Variants in SNX5 observed in about 807,000 individuals in gnomAD.
The protein encoded by SNX5 is sorting nexin-5.
A neutral mutation model predicts 53.9 loss-of-function variants in SNX5; 31 were observed. That is an observed-to-expected ratio of 0.58 (90% CI 0.43 to 0.78). The LOEUF (loss-of-function observed/expected upper bound fraction) is 0.78. SNX5 is among the 30% of genes least tolerant of loss of function. The probability of loss-of-function intolerance (pLI) is 0.00; values close to 1 mark genes in which losing one functional copy is unlikely to be tolerated. For synonymous variants in SNX5, 168 were observed against 171.1 expected (o/e 0.98, Z 0.14); for missense variants, 471 against 478.8 (o/e 0.98, Z 0.15).
rs2035373915 is a variant in SNX5 at position 17,957,042 on chromosome 20, A to G, written c.52-5T>C. 2 of 1,550,102 alleles carry G rather than the reference A, an allele frequency of 1.3e-6. No homozygotes were observed. The highest frequency in any genetic ancestry group is 1.7e-5 in the Admixed American group (1 of 59,904). ...GTCCACAGATACAGATCTCAGCTGA[A>G]ATACATTTTTTGCGTATTAGTTTCA... On this transcript the variant is annotated splice_polypyrimidine_tract_variant and splice_region_variant and intron_variant, in intron 1 of 12. Transcript: ENST00000377759.
In SNX5 at chr20:17,958,024, AGAG is replaced by A. The variant is rs1414005092; in HGVS notation, c.52-990_52-988del. On this transcript the variant is annotated intron_variant, in intron 1 of 12. Transcript: ENST00000377759. ...CGTCAAAAAAAAAAAAAAAAAAAAG[AGAG>A]GAGAGAACAGTGGCAGCACTAATAG... Among the ~76,000 whole-genome samples the A allele has an allele frequency of 5.4e-4, 76 of 139,982 alleles. 1 individual carries two copies. The highest frequency in any genetic ancestry group is 2.2e-3 in the African/African-American group (74 of 33,150). 91.8% of individuals were successfully genotyped at this position (139,982 alleles called of 152,430 possible).
intron 2 of SNX5, among the ~76,000 whole-genome samples, chr20:17,956,193 C>G (rs979614980): frequency 1.6e-4 from 25 of 151,746 alleles, no homozygotes; most frequent in African/African-American, 4.6e-4. Flanking sequence ...TAAAAATTGT[C>G]CCTGGCTTCC....
intron 11 of SNX5, among the ~76,000 whole-genome samples, chr20:17,946,370 T>G (rs1438390368): frequency 1.3e-5 from 2 of 152,106 alleles, no homozygotes; most frequent in Non-Finnish European, 2.9e-5. Flanking sequence ...AAATGGCCAG[T>G]TTCAAGGCTG....
chr20:17,956,614 G>A (rs1568593972), intron 2 of SNX5, among the ~76,000 whole-genome samples: 1 of 146,662 alleles, frequency 6.8e-6, no homozygotes, highest in Non-Finnish European at 1.5e-5. Flanking sequence ...GGCAGGGGCT[G>A]CAGTGAGCCA....
intron 1 of SNX5, among the ~76,000 whole-genome samples, chr20:17,965,541 G>C (rs973110914): frequency 1.3e-5 from 2 of 152,116 alleles, no homozygotes; most frequent in Middle Eastern, 3.4e-3. Flanking sequence ...ATGCTGGTGT[G>C]TGCCTGTAGC....
At chr20:17,952,551 G>A (rs1325596091) in intron 5 of SNX5, 36 bp downstream of exon 5, 3 of 1,595,298 alleles carry the variant, frequency 1.9e-6, no homozygotes, top group Non-Finnish European at 2.6e-6. Flanking sequence ...ATAAACATTT[G>A]AAGTGGATTA....
At chr20:17,963,967 C>T (rs903683676) in intron 1 of SNX5, among the ~76,000 whole-genome samples, 2 of 152,146 alleles carry the variant, frequency 1.3e-5, no homozygotes, top group South Asian at 2.1e-4. Context: ...TATTCCAATA[C>T]TCAGACCAGG....
At chr20:17,951,338 A>T in intron 6 of SNX5, 162 bp downstream of exon 6, 1 of 602,836 alleles carries the variant, frequency 1.7e-6, no homozygotes, top group Non-Finnish European at 3.0e-6. Context: ...CTGGGAAATA[A>T]GTGAAAATTG....
chr20:17,956,704 A>AAAAAAAAAAAAAAC (rs1568594187), intron 2 of SNX5, among the ~76,000 whole-genome samples: 1 of 112,868 alleles, frequency 8.9e-6, no homozygotes, highest in Admixed American at 9.1e-5. Context: ...AAAAAAAAAA[A>AAAAAAAAAAAAAAC]CAAAAAAACA....
intron 11 of SNX5, chr20:17,943,403 ACAT>A (rs1486274928): frequency 3.8e-6 from 2 of 528,634 alleles, no homozygotes; most frequent in Non-Finnish European, 6.8e-6. Flanking sequence ...TAAGTGGAAA[ACAT>A]CACTGAATCA....
intron 12 of SNX5, 26 bp downstream of exon 12, chr20:17,943,084 T>C (rs745549516): frequency 3.5e-6 from 5 of 1,436,876 alleles, no homozygotes; most frequent in Admixed American, 3.4e-5. Flanking sequence ...TAAAAGATGT[T>C]GGCTTCATCT....
intron 4 of SNX5, 140 bp from the exon 5 acceptor site, chr20:17,952,850 T>C: frequency 1.0e-6 from 1 of 986,656 alleles, no homozygotes; most frequent in South Asian, 2.2e-5. Context: ...CAGTATAAAC[T>C]GGTGTCTAGT....
chr20:17,955,224 T>A (rs181037038), intron 3 of SNX5, 141 bp downstream of exon 3: 17 of 620,268 alleles, frequency 2.7e-5, no homozygotes, highest in Admixed American at 1.7e-4. Flanking sequence ...TACTTTCCAC[T>A]TGACAGTCAG....
At chr20:17,945,396 C>T (rs2039473393) in intron 11 of SNX5, 1 of 152,170 alleles carries the variant, frequency 6.6e-6, no homozygotes, top group Non-Finnish European at 1.5e-5. Context: ...CCACAGAATA[C>T]TGTATTTTTA....
At chr20:17,958,652 T>C (rs1463310322) in intron 1 of SNX5, among the ~76,000 whole-genome samples, 1 of 152,188 alleles carries the variant, frequency 6.6e-6, no homozygotes, top group Non-Finnish European at 1.5e-5. Flanking sequence ...CTATGAAATA[T>C]CTGCTTGTCT....
At chr20:17,966,727 C>G (rs2035543979) in intron 1 of SNX5, among the ~76,000 whole-genome samples, 1 of 152,164 alleles carries the variant, frequency 6.6e-6, no homozygotes, top group Non-Finnish European at 1.5e-5. Context: ...ATTTAAGTAA[C>G]ACACATTTCA....
intron 12 of SNX5, chr20:17,942,832 T>G (rs947672046): frequency 2.6e-6 from 1 of 386,670 alleles, no homozygotes; most frequent in Non-Finnish European, 4.6e-6. Flanking sequence ...CCAAGGCAGG[T>G]GGATCACCTG....
chr20:17,953,846 T>C (rs2035307143), intron 4 of SNX5, 150 bp downstream of exon 4: 4 of 637,968 alleles, frequency 6.3e-6, no homozygotes, highest in Admixed American at 2.4e-5. Context: ...CTATGCAAGA[T>C]GTATTACTAG....
chr20:17,942,176 G>A lies in SNX5; in HGVS notation c.*181C>T. The A allele has an allele frequency of 1.7e-6, 1 of 583,142 alleles. No individual in the cohort carries two copies. The highest frequency in any genetic ancestry group is 2.0e-5 in the South Asian group (1 of 49,078). The allele number at this position is 583,142 out of a possible 1,614,324, so 36.1% of individuals were successfully genotyped here. A position where few individuals can be genotyped will look rare whatever the true frequency, so the allele number is the denominator to read the frequency against. ...AGGAAAAATTAGTTATGTCCAAGTA[G>A]CAAGCAATAATATTTTTAAACCAAC... On this transcript the variant is annotated 3_prime_UTR_variant, in exon 13 of 13. Transcript: ENST00000377759.
Sources: gnomAD v4.1 joint callset for allele counts (sites outside exome capture counted in the v4.1 genomes callset) on GRCh38, gnomAD v4.1.1 for gene constraint, MANE v1.5 for transcripts, NCBI Gene and HGNC (gene_info 2026-07-23, HGNC 2026-07-21) for gene names.